Variants in DRC8 observed in about 807,000 individuals in gnomAD.
The protein encoded by DRC8 is dynein regulatory complex protein 8.
chr1:244,989,361 G>A, the DRC8 span, among the ~76,000 whole-genome samples: 1 of 151,954 alleles, frequency 6.6e-6, no homozygotes, highest in Non-Finnish European at 1.5e-5. Flanking sequence ...TGGCTCCTTC[G>A]GCTCCTCTTG....
At chr1:245,081,851 C>G in the DRC8 span, among the ~76,000 whole-genome samples, 7,463 of 152,244 alleles carry the variant, frequency 0.049, 265 homozygotes, top group Non-Finnish European at 0.078. Flanking sequence ...TCTTTGGTTG[C>G]TGTTTCTTGA....
At chr1:244,983,739 CAAAAAAAAAAA>C in the DRC8 span, among the ~76,000 whole-genome samples, 1 of 100,992 alleles carries the variant, frequency 9.9e-6, no homozygotes, top group African/African-American at 4.1e-5. Flanking sequence ...GACTCTGTCT[CAAAAAAAAAAA>C]AAAAAAAAAG....
At chr1:245,123,252 G>C in the DRC8 span, 1 of 152,110 alleles carries the variant, frequency 6.6e-6, no homozygotes, top group Non-Finnish European at 1.5e-5. This position sits in a 1 kb window ranked among gnomAD's most constrained non-coding sequence, Gnocchi z 5.0. Context: ...CTCCCAGCCG[G>C]ACAAGAAAAA....
At chr1:245,099,893 C>T in the DRC8 span, among the ~76,000 whole-genome samples, 17 of 152,292 alleles carry the variant, frequency 1.1e-4, no homozygotes, top group Admixed American at 7.8e-4. Context: ...CTCCATGTAA[C>T]ATCACCCTCC....
the DRC8 span, among the ~76,000 whole-genome samples, chr1:245,062,991 C>T: frequency 3.3e-5 from 5 of 152,116 alleles, no homozygotes; most frequent in Admixed American, 6.5e-5. Flanking sequence ...TCTAGTCAAC[C>T]CTGGCTTGCA....
chr1:245,070,540 T>C, the DRC8 span, among the ~76,000 whole-genome samples: 3 of 152,202 alleles, frequency 2.0e-5, no homozygotes, highest in Non-Finnish European at 4.4e-5. Context: ...TTTTAATTCG[T>C]ATTTGTTTTT....
the DRC8 span, among the ~76,000 whole-genome samples, chr1:245,076,725 A>T: frequency 2.0e-5 from 3 of 149,194 alleles, no homozygotes; most frequent in Non-Finnish European, 4.5e-5. Flanking sequence ...TGTGAAATAC[A>T]TTTTTTTTTT....
At chr1:245,006,298 A>T in the DRC8 span, among the ~76,000 whole-genome samples, 3 of 84,686 alleles carry the variant, frequency 3.5e-5, no homozygotes, top group Non-Finnish European at 4.7e-5. Flanking sequence ...GCTGGAAGTG[A>T]TGAGTGTTTA....
At chr1:245,117,235 G>A in the DRC8 span, among the ~76,000 whole-genome samples, 2 of 151,890 alleles carry the variant, frequency 1.3e-5, no homozygotes, top group African/African-American at 4.8e-5. Flanking sequence ...TTGTATTTTA[G>A]TAGAGACAGG....
the DRC8 span, chr1:245,017,287 A>C: frequency 3.7e-6 from 6 of 1,610,046 alleles, no homozygotes; most frequent in Middle Eastern, 4.9e-4. Context: ...GAGGCATTTG[A>C]AGTCTTTGAC....
the DRC8 span, among the ~76,000 whole-genome samples, chr1:245,095,224 G>A: frequency 6.6e-6 from 1 of 152,326 alleles, no homozygotes; most frequent in Non-Finnish European, 1.5e-5. Context: ...GCTGAGCTCC[G>A]TCTGGCCTGG....
At chr1:245,110,649 C>A in the DRC8 span, among the ~76,000 whole-genome samples, 1 of 152,252 alleles carries the variant, frequency 6.6e-6, no homozygotes, top group African/African-American at 2.4e-5. Flanking sequence ...AAGGAGGAGC[C>A]TATTGTTTCT....
chr1:245,069,645 T>C, the DRC8 span, among the ~76,000 whole-genome samples: 1 of 152,158 alleles, frequency 6.6e-6, no homozygotes, highest in East Asian at 1.9e-4. Flanking sequence ...GGAGCTGCTG[T>C]TCAATGAGTA....
At chr1:245,038,305 C>G in the DRC8 span, among the ~76,000 whole-genome samples, 2 of 152,174 alleles carry the variant, frequency 1.3e-5, no homozygotes, top group East Asian at 3.9e-4. Context: ...CTTGTCTCTA[C>G]GAAAAATACA....
the DRC8 span, among the ~76,000 whole-genome samples, chr1:245,027,990 C>T: frequency 6.6e-6 from 1 of 151,970 alleles, no homozygotes; most frequent in East Asian, 1.9e-4. Flanking sequence ...CTCCTGGGCT[C>T]ACACGATCCT....
chr1:245,036,969 A>G, the DRC8 span, among the ~76,000 whole-genome samples: 3 of 152,256 alleles, frequency 2.0e-5, no homozygotes, highest in African/African-American at 4.8e-5. Context: ...TAAAAAATCA[A>G]TTGATGAAAA....
the DRC8 span, among the ~76,000 whole-genome samples, chr1:245,057,251 G>A: frequency 6.6e-6 from 1 of 152,182 alleles, no homozygotes; most frequent in Non-Finnish European, 1.5e-5. Context: ...AAACATGTAA[G>A]GAGGCAGCTT....
chr1:244,970,129 G>T, the DRC8 span: 1 of 679,080 alleles, frequency 1.5e-6, no homozygotes, highest in Non-Finnish European at 2.7e-6. Context: ...CAACATGCTA[G>T]GCCCGGGACA....
the DRC8 span, among the ~76,000 whole-genome samples, chr1:244,978,732 C>G: frequency 0.56 from 85,051 of 151,940 alleles, 25,089 homozygotes; most frequent in East Asian, 0.73. Context: ...TCAGGCAATC[C>G]TACCACCTTG....
Sources: allele counts gnomAD v4.1 joint callset (sites outside exome capture counted in the v4.1 genomes callset), GRCh38; gene constraint gnomAD v4.1.1; non-coding constraint Gnocchi (gnomAD v3.1); transcripts MANE v1.5; gene names NCBI Gene and HGNC (gene_info 2026-07-23, HGNC 2026-07-21).